The following ZNF569 variants were observed in gnomAD, a reference collection of about 807,000 sequenced individuals.
ZNF569 encodes the protein DNA-binding protein.
In ZNF569, 38 loss-of-function variants were observed where a neutral mutation model predicts 56.3. The observed-to-expected ratio is 0.68, with a 90% confidence interval of 0.52 to 0.88. ZNF569 has a LOEUF of 0.88. Among genes scored for constraint, ZNF569 ranks in the 40% least tolerant of loss-of-function variants. The pLI is 0.00. For synonymous variants in ZNF569, 241 were observed against 262.9 expected, an observed-to-expected ratio of 0.92 and a Z score of 0.81; for missense variants, 666 against 809.2, an observed-to-expected ratio of 0.82 and a Z score of 2.15.
chr19:37,457,672 CA>C (rs1431125353), intron 2 of ZNF569, among the ~76,000 whole-genome samples: 1 of 132,288 alleles, frequency 7.6e-6, no homozygotes, highest in African/African-American at 2.9e-5. Context: ...GAACATCACA[CA>C]CTGGGGCCTG....
At chr19:37,468,098 T>C, upstream of ZNF569, 1 of 675,294 alleles carries the variant, frequency 1.5e-6, no homozygotes, top group East Asian at 2.7e-5. Flanking sequence ...TGTTTTGTTT[T>C]TTTTGAGGCA....
At chr19:37,445,676 A>G (rs1437215813) in intron 2 of ZNF569, among the ~76,000 whole-genome samples, 1 of 152,232 alleles carries the variant, frequency 6.6e-6, no homozygotes, top group Non-Finnish European at 1.5e-5. Flanking sequence ...AATCAAATCA[A>G]GAACTCAGCC....
At chr19:37,453,180 C>G (rs983211694) in intron 2 of ZNF569, among the ~76,000 whole-genome samples, 3 of 152,178 alleles carry the variant, frequency 2.0e-5, no homozygotes, top group African/African-American at 7.2e-5. Context: ...AACCCCTTCT[C>G]TCCCCTGGAT....
At chr19:37,414,504 T>C (rs1486604805) in intron 5 of ZNF569, 85 bp from the exon 6 acceptor site, 6 of 1,482,398 alleles carry the variant, frequency 4.0e-6, no homozygotes, top group Non-Finnish European at 5.4e-6. Flanking sequence ...TATGCAATTA[T>C]GGGACTGATT....
intron 3 of ZNF569, 99 bp from the exon 4 acceptor site, chr19:37,426,477 A>T (rs543785057): frequency 1.2e-5 from 15 of 1,296,448 alleles, no homozygotes; most frequent in Admixed American, 5.4e-5. Flanking sequence ...AGAGGTTATT[A>T]AAAAAGCCCA....
chr19:37,413,298 C>A lies in ZNF569; in HGVS notation c.1360G>T (p.Val454Phe). 6.2e-7 allele frequency: 1 copy of A among 1,608,542 alleles called. No individual in the cohort carries two copies. The highest frequency in any genetic ancestry group is 1.1e-5 in the South Asian group (1 of 90,108). The change falls in exon 6 of 6, where the codon GTT becomes TTT. Residue 454 changes from valine (V) to phenylalanine (F), a missense_variant. Val to Phe is a conservative substitution (Grantham distance 50). Transcript: ENST00000316950. ...GKAFIQMSNL[V>F]RHQRIHTGEK... ...CCAGTATGAATTCTCTGGTGTCTAA[C>A]AAGATTTGACATCTGTATAAAAGCT...
At chr19:37,418,170 T>C (rs898227131) in intron 5 of ZNF569, among the ~76,000 whole-genome samples, 7 of 151,648 alleles carry the variant, frequency 4.6e-5, no homozygotes, top group African/African-American at 1.7e-4. Flanking sequence ...TGTGTTTATA[T>C]CCAGTCTAAA....
At chr19:37,468,077 T>G (rs911208612), upstream of ZNF569, 3 of 734,864 alleles carry the variant, frequency 4.1e-6, no homozygotes, top group African/African-American at 5.6e-5. Context: ...TCGTGTTTTT[T>G]TTTTTTTGTT....
chr19:37,417,848 G>A (rs777141481), intron 5 of ZNF569, among the ~76,000 whole-genome samples: 1 of 152,046 alleles, frequency 6.6e-6, no homozygotes, highest in African/African-American at 2.4e-5. Flanking sequence ...GATGGCACAC[G>A]CCTGTAATCC....
chr19:37,443,080 G>A (rs1338118852), intron 3 of ZNF569, among the ~76,000 whole-genome samples: 1 of 152,244 alleles, frequency 6.6e-6, no homozygotes, highest in African/African-American at 2.4e-5. Flanking sequence ...TCGGCCGGGT[G>A]CTGAGGCTCA....
Position 37,412,884 on chromosome 19 carries a change from A to C in ZNF569, c.1774T>G (p.Ser592Ala). 6.2e-7 allele frequency: 1 copy of C among 1,613,800 alleles called. No homozygotes were observed. Among genetic ancestry groups the C allele is most frequent in the Non-Finnish European group, 8.5e-7 (1 of 1,179,888 alleles). The change falls in exon 6 of 6, where the codon TCC becomes GCC. Residue 592 changes from serine (S) to alanine (A), a missense_variant. By Grantham distance (99) the Ser-to-Ala change is moderately conservative. Coordinates refer to ENST00000316950, the MANE Select transcript of ZNF569 (RefSeq NM_152484.3). ...TGGCCTCTCATGTGCACAATAAGGG[A>C]AGTTCTTTGAGAGAAGGCTTTCCCA... ...ECGKAFSQRT[S>A]LIVHMRGHTG...
intron 3 of ZNF569, among the ~76,000 whole-genome samples, chr19:37,436,201 A>G (rs1206736808): frequency 6.6e-6 from 1 of 152,178 alleles, no homozygotes; most frequent in Non-Finnish European, 1.5e-5. Context: ...TGGAAACTAT[A>G]CAAACACAGA....
intron 3 of ZNF569, chr19:37,431,618 C>T (rs1176956606): frequency 6.6e-6 from 1 of 152,292 alleles, no homozygotes; most frequent in Non-Finnish European, 1.5e-5. Flanking sequence ...AGCACATTTC[C>T]CGTGTGGTGG....
chr19:37,458,438 CTA>C (rs2041707209), intron 2 of ZNF569, among the ~76,000 whole-genome samples: 1 of 152,222 alleles, frequency 6.6e-6, no homozygotes. Flanking sequence ...TGCCTAAAAA[CTA>C]TCTCTTGATT....
intron 2 of ZNF569, among the ~76,000 whole-genome samples, chr19:37,445,474 A>G (rs2041477900): frequency 6.6e-6 from 1 of 152,154 alleles, no homozygotes; most frequent in Admixed American, 6.5e-5. Flanking sequence ...GAAAGAAATA[A>G]AAGGCATCCA....
At chr19:37,446,794 A>C (rs981087659) in intron 2 of ZNF569, among the ~76,000 whole-genome samples, 1 of 152,196 alleles carries the variant, frequency 6.6e-6, no homozygotes, top group Non-Finnish European at 1.5e-5. Flanking sequence ...AAGCTTCTGC[A>C]CAGCAAAATA....
In ZNF569 at chr19:37,412,920, A is replaced by G. The variant is rs1197456715; in HGVS notation, c.1738T>C (p.Cys580Arg). Residue 580 changes from cysteine (C) to arginine (R), a missense_variant, in exon 6 of 6, where the codon TGT becomes CGT. Cys to Arg is a radical substitution (Grantham distance 180). Transcript: ENST00000316950. ...GAGAAGGCTTTCCCACATTCATTAC[A>G]TACATAGGGCTTCTCACCTGTGTGA... ...RSHTGEKPYV[C>R]NECGKAFSQR... 1.5e-5 allele frequency: 25 copies of G among 1,614,042 alleles called. No individual in the cohort carries two copies. The highest frequency in any genetic ancestry group is 2.0e-5 in the Non-Finnish European group (24 of 1,179,944).
chr19:37,432,433 T>G (rs1028149720), intron 3 of ZNF569, among the ~76,000 whole-genome samples: 1 of 152,216 alleles, frequency 6.6e-6, no homozygotes, highest in African/African-American at 2.4e-5. Flanking sequence ...TATGATTCTG[T>G]AAGAGCCACA....
intron 1 of ZNF569, among the ~76,000 whole-genome samples, chr19:37,466,342 A>G (rs1262153410): frequency 6.6e-6 from 1 of 152,200 alleles, no homozygotes; most frequent in Non-Finnish European, 1.5e-5. Context: ...ATAAAAACAT[A>G]TTTCCGGCCG....
Sources: gnomAD v4.1 joint callset for allele counts (sites outside exome capture counted in the v4.1 genomes callset) on GRCh38, gnomAD v4.1.1 for gene constraint, MANE v1.5 for transcripts, NCBI Gene and HGNC (gene_info 2026-07-23, HGNC 2026-07-21) for gene names.